The following ADGRL2 variants were observed in gnomAD, a reference collection of about 807,000 sequenced individuals.
The protein encoded by ADGRL2 is adhesion G protein-coupled receptor L2, also known as calcium-independent alpha-latrotoxin receptor 2.
In ADGRL2, 44 loss-of-function variants were observed where a neutral mutation model predicts 157.4. The ratio of observed to expected loss-of-function variants is 0.28; its 90% CI spans 0.22 to 0.36. The LOEUF (loss-of-function observed/expected upper bound fraction) is 0.36. ADGRL2 is among the 10% of genes least tolerant of loss of function. ADGRL2 has a pLI of 1.00. For missense variants in ADGRL2, 1,510 were observed against 1,768.9 expected, an observed-to-expected ratio of 0.85 and a Z score of 2.63; for synonymous variants, 585 against 624.7, an observed-to-expected ratio of 0.94 and a Z score of 0.95.
chr1:81,741,667 A>G (rs2085077840), intron 1 of ADGRL2, among the ~76,000 whole-genome samples: 3 of 152,028 alleles, frequency 2.0e-5, no homozygotes, highest in African/African-American at 7.2e-5. Flanking sequence ...AACCAAAGAC[A>G]ACTTTTAAAT....
intron 2 of ADGRL2, among the ~76,000 whole-genome samples, chr1:81,448,394 C>T (rs947683673): frequency 6.6e-6 from 1 of 152,036 alleles, no homozygotes; most frequent in African/African-American, 2.4e-5. Flanking sequence ...GATCCACCTA[C>T]CTCGGCCTCC....
intron 2 of ADGRL2, among the ~76,000 whole-genome samples, chr1:81,857,793 T>C (rs1019519429): frequency 1.1e-4 from 16 of 152,190 alleles, no homozygotes; most frequent in Non-Finnish European, 2.4e-4. Flanking sequence ...CATGAAGACA[T>C]TTTTAAAAAT....
intron 1 of ADGRL2, among the ~76,000 whole-genome samples, chr1:81,382,314 G>C (rs1285679133): frequency 6.6e-6 from 1 of 152,012 alleles, no homozygotes; most frequent in Non-Finnish European, 1.5e-5. Context: ...GAACATATGA[G>C]ATTTTTCAGT....
chr1:81,503,559 G>C (rs1267514618), intron 2 of ADGRL2: 1 of 1,440,584 alleles, frequency 6.9e-7, no homozygotes, highest in African/African-American at 1.4e-5. Flanking sequence ...CGGAGCCCAC[G>C]TCGACGAGCA....
At chr1:81,528,787 G>C (rs762299546) in intron 2 of ADGRL2, among the ~76,000 whole-genome samples, 10 of 151,866 alleles carry the variant, frequency 6.6e-5, no homozygotes, top group Non-Finnish European at 1.5e-4. Flanking sequence ...AAGTAAATAA[G>C]TGGTTCATTG....
chr1:81,879,745 C>G (rs1427897999), intron 2 of ADGRL2, among the ~76,000 whole-genome samples: 1 of 152,160 alleles, frequency 6.6e-6, no homozygotes, highest in African/African-American at 2.4e-5. Flanking sequence ...GGTGCAGTGG[C>G]TCACACCTGT....
chr1:81,831,214 C>A (rs992388784), intron 1 of ADGRL2, among the ~76,000 whole-genome samples: 2 of 152,140 alleles, frequency 1.3e-5, no homozygotes, highest in Non-Finnish European at 2.9e-5. Flanking sequence ...TTTGGACTTA[C>A]TATGAACAAC....
chr1:81,495,591 T>C (rs2078714960), intron 2 of ADGRL2, among the ~76,000 whole-genome samples: 1 of 152,166 alleles, frequency 6.6e-6, no homozygotes, highest in South Asian at 2.1e-4. Context: ...TTATTGTGAA[T>C]CCATGTGGTA....
At chr1:81,425,669 T>A (rs2077199596) in intron 1 of ADGRL2, among the ~76,000 whole-genome samples, 1 of 152,184 alleles carries the variant, frequency 6.6e-6, no homozygotes. Flanking sequence ...AGAACTGACC[T>A]TGGTTAAAAA....
At chr1:81,560,241 A>G (rs1372818143) in intron 2 of ADGRL2, among the ~76,000 whole-genome samples, 1 of 152,226 alleles carries the variant, frequency 6.6e-6, no homozygotes, top group Non-Finnish European at 1.5e-5. Context: ...ACAAACAGCC[A>G]AGAACACAGA....
chr1:81,350,645 C>T (rs577430368), intron 1 of ADGRL2, among the ~76,000 whole-genome samples: 5 of 152,290 alleles, frequency 3.3e-5, no homozygotes, highest in African/African-American at 9.6e-5. Context: ...AGTCTACCAA[C>T]GTAATGTCTT....
At chr1:81,730,285 A>C (rs1038089579) in intron 1 of ADGRL2, among the ~76,000 whole-genome samples, 1 of 152,216 alleles carries the variant, frequency 6.6e-6, no homozygotes, top group Admixed American at 6.5e-5. Flanking sequence ...CTTTTCTCTG[A>C]AAATTGCTCC....
chr1:81,306,845 T>C (rs1659370604), intron 1 of ADGRL2, among the ~76,000 whole-genome samples: 1 of 151,382 alleles, frequency 6.6e-6, no homozygotes, highest in Admixed American at 6.6e-5. Flanking sequence ...TGCTGGCCAA[T>C]AATAGCCAAG....
At chr1:81,642,208 A>G (rs1319885131) in intron 3 of ADGRL2, among the ~76,000 whole-genome samples, 1 of 147,144 alleles carries the variant, frequency 6.8e-6, no homozygotes, top group Admixed American at 7.0e-5. Context: ...AATTTGTACC[A>G]CTGCACTCCA....
At chr1:81,683,077 A>T (rs989940516) in intron 3 of ADGRL2, among the ~76,000 whole-genome samples, 1 of 152,190 alleles carries the variant, frequency 6.6e-6, no homozygotes, top group African/African-American at 2.4e-5. Context: ...AGGTTGCACT[A>T]AGCTGAGATA....
intron 1 of ADGRL2, among the ~76,000 whole-genome samples, chr1:81,375,062 C>T (rs1215401641): frequency 6.6e-6 from 1 of 152,128 alleles, no homozygotes; most frequent in Non-Finnish European, 1.5e-5. Context: ...GAGTGTTGTT[C>T]CAGACAACAT....
intron 1 of ADGRL2, among the ~76,000 whole-genome samples, chr1:81,813,426 C>G (rs1025508616): frequency 6.6e-6 from 1 of 151,580 alleles, no homozygotes; most frequent in African/African-American, 2.4e-5. Flanking sequence ...CACATTGTTA[C>G]TGTGACAAAG....
chr1:81,985,287 C>T lies in ADGRL2; in HGVS notation c.3440C>T (p.Thr1147Ile). 6.2e-7 allele frequency: 1 copy of T among 1,602,294 alleles called. No individual in the cohort carries two copies. The highest frequency in any genetic ancestry group is 2.2e-5 in the East Asian group (1 of 44,576). ...CGTATAAGAAGAATGTGGAATGATACTGTGAGAAAACAATCAGAATCTTCT... is the reference window on the plus strand; with the variant it reads ...CGTATAAGAAGAATGTGGAATGATATTGTGAGAAAACAATCAGAATCTTCT... ...QSRIRRMWND[T>I]VRKQSESSFI... The change falls in exon 21 of 24, where the codon ACT (threonine) becomes ATT (isoleucine). Residue 1147 changes from threonine (T) to isoleucine (I), a missense_variant. Coordinates refer to ENST00000686636, the MANE Select transcript of ADGRL2 (RefSeq NM_001366006.2).
chr1:81,987,673 A>G (rs1394042247), intron 22 of ADGRL2, among the ~76,000 whole-genome samples, 196 bp from the exon 23 acceptor site: 1 of 151,706 alleles, frequency 6.6e-6, no homozygotes, highest in Non-Finnish European at 1.5e-5. Flanking sequence ...TTTAATATTA[A>G]CAGAATTTTC....
Sources: allele counts gnomAD v4.1 joint callset (sites outside exome capture counted in the v4.1 genomes callset), GRCh38; gene constraint gnomAD v4.1.1; transcripts MANE v1.5; gene names NCBI Gene and HGNC (gene_info 2026-07-23, HGNC 2026-07-21).